Variants in CORO2B observed in about 807,000 individuals in gnomAD.
The protein encoded by CORO2B is coronin 2B.
In CORO2B, 26 loss-of-function variants were observed where a neutral mutation model predicts 58.8. The ratio of observed to expected loss-of-function variants is 0.44; its 90% CI spans 0.32 to 0.61. CORO2B has a LOEUF of 0.61. Ranked by LOEUF, CORO2B falls within the 20% of genes least tolerant of loss-of-function variation. The probability of loss-of-function intolerance (pLI) is 0.04; values close to 1 mark genes in which losing one functional copy is unlikely to be tolerated. For synonymous variants in CORO2B, 242 were observed against 253.8 expected, an observed-to-expected ratio of 0.95 and a Z score of 0.44; for missense variants, 460 against 645.1, an observed-to-expected ratio of 0.71 and a Z score of 3.11.
At position 68,727,528 on chromosome 15, in the gene CORO2B, T is replaced by C. The variant is rs187688210; in HGVS notation, c.*1554T>C. ...TTATACTCCATACCTGCTTTTCCCATGGCCGCCCTACGGAAAATCCCATCC... is the reference window on the plus strand; with the variant it reads ...TTATACTCCATACCTGCTTTTCCCACGGCCGCCCTACGGAAAATCCCATCC... On this transcript the variant is annotated 3_prime_UTR_variant, in exon 12 of 12. Transcript: ENST00000261861. 1.3e-5 allele frequency: 2 copies of C among 152,458 alleles called. No homozygotes were observed. Among genetic ancestry groups the C allele is most frequent in the East Asian group, 3.9e-4 (2 of 5,182 alleles). 9.4% of individuals were successfully genotyped at this position (152,458 alleles called of 1,614,324 possible). A position where few individuals can be genotyped will look rare whatever the true frequency, so the allele number is the denominator to read the frequency against.
Position 68,714,601 on chromosome 15 carries a change from C to T in CORO2B, c.808C>T (p.Leu270Phe). 1.2e-6 allele frequency: 2 copies of T among 1,614,112 alleles called. No individual in the cohort carries two copies. The highest frequency in any genetic ancestry group is 1.7e-6 in the Non-Finnish European group (2 of 1,180,000). The change falls in exon 7 of 12, where the codon CTC becomes TTC. Residue 270 changes from leucine to phenylalanine, a missense_variant. This residue lies in a region of CORO2B where 352 missense variants were observed against 543.0 expected (regional missense o/e 0.65). Coordinates refer to ENST00000261861, the MANE Select transcript of CORO2B (RefSeq NM_006091.5). ...CCTGATCGAAGAGGAAATTGATGGGCTCTCTGGCCTCCTGTTCCCCTTCTA... is the reference window on the plus strand; with the variant it reads ...CCTGATCGAAGAGGAAATTGATGGGTTCTCTGGCCTCCTGTTCCCCTTCTA... ...MPLIEEEIDG[L>F]SGLLFPFYDA...
At chr15:68,699,549 A>T (rs1462756161) in intron 3 of CORO2B, among the ~76,000 whole-genome samples, 4 of 152,114 alleles carry the variant, frequency 2.6e-5, no homozygotes, top group Admixed American at 2.6e-4. Context: ...AGACAAGGAG[A>T]TTAAGTCTGG....
At chr15:68,673,445 A>G (rs1902471020) in intron 2 of CORO2B, among the ~76,000 whole-genome samples, 1 of 152,016 alleles carries the variant, frequency 6.6e-6, no homozygotes, top group African/African-American at 2.4e-5. Context: ...TTGAGACTGG[A>G]CAGTCGAGGC....
At chr15:68,585,891 G>A (rs775426998) in intron 1 of CORO2B, among the ~76,000 whole-genome samples, 9 of 152,196 alleles carry the variant, frequency 5.9e-5, no homozygotes, top group Non-Finnish European at 1.0e-4. Context: ...GCATTCAGCC[G>A]AGGGCAGAAC....
intron 11 of CORO2B, among the ~76,000 whole-genome samples, chr15:68,719,771 C>T (rs1244236389): frequency 6.6e-6 from 1 of 152,226 alleles, no homozygotes; most frequent in Non-Finnish European, 1.5e-5. Flanking sequence ...ACCCCCACGC[C>T]TCAAATTCAC....
intron 2 of CORO2B, among the ~76,000 whole-genome samples, chr15:68,685,281 G>A (rs558387252): frequency 7.2e-5 from 11 of 152,292 alleles, no homozygotes; most frequent in East Asian, 3.9e-4. Flanking sequence ...TGCAATCTCC[G>A]CTCACTTCAA....
chr15:68,679,041 G>T (rs1198667251), intron 2 of CORO2B, among the ~76,000 whole-genome samples: 1 of 152,240 alleles, frequency 6.6e-6, no homozygotes, highest in Non-Finnish European at 1.5e-5. Flanking sequence ...GGCCTTCCCA[G>T]AAATATCACC....
intron 8 of CORO2B, among the ~76,000 whole-genome samples, chr15:68,716,589 G>A (rs1453748398): frequency 6.6e-6 from 1 of 152,236 alleles, no homozygotes; most frequent in African/African-American, 2.4e-5. Context: ...ATGAGTTCTA[G>A]GCAGAGAGTC....
intron 2 of CORO2B, among the ~76,000 whole-genome samples, chr15:68,648,889 C>A (rs1168092181): frequency 6.6e-6 from 1 of 152,176 alleles, no homozygotes; most frequent in Non-Finnish European, 1.5e-5. Context: ...TGTCTACTGA[C>A]CTAGCAATTC....
chr15:68,560,588 C>T, the CORO2B span, among the ~76,000 whole-genome samples: 1 of 152,182 alleles, frequency 6.6e-6, no homozygotes, highest in Non-Finnish European at 1.5e-5. Flanking sequence ...CCTGAGCCAC[C>T]GCGCCCAGCC....
intron 2 of CORO2B, among the ~76,000 whole-genome samples, chr15:68,683,343 C>A (rs569721950): frequency 1.3e-5 from 2 of 152,178 alleles, no homozygotes; most frequent in African/African-American, 4.8e-5. Context: ...CCAGACCCCG[C>A]GTCCCCAGCA....
intron 1 of CORO2B, among the ~76,000 whole-genome samples, chr15:68,628,229 G>A (rs4777076): frequency 0.3 from 46,308 of 152,118 alleles, 8,464 homozygotes; most frequent in African/African-American, 0.52. Context: ...TTCTCACAGT[G>A]GTCACAGAGA....
chr15:68,549,057 TCCTTC>T, the CORO2B span, among the ~76,000 whole-genome samples: 2 of 152,156 alleles, frequency 1.3e-5, no homozygotes, highest in Non-Finnish European at 2.9e-5. Flanking sequence ...CTCCTCTTCT[TCCTTC>T]CTTTCTACAA....
intron 1 of CORO2B, among the ~76,000 whole-genome samples, chr15:68,599,469 G>A (rs73442210): frequency 0.015 from 2,266 of 152,286 alleles, 59 homozygotes; most frequent in African/African-American, 0.051. Flanking sequence ...CTGTGCATGC[G>A]TCATAGCTTC....
Position 68,579,225 on chromosome 15 carries a change from G to GCCGCGC in CORO2B, c.-29_-24dup. On this transcript the variant is annotated 5_prime_UTR_variant, in exon 1 of 12. Transcript: ENST00000261861. ...CGGGCCGCCGCCGCCGCCCCCGCACGCCGCGCCCGCGCCCCCGCTCCGCCG... is the reference window on the plus strand; with the variant it reads ...CGGGCCGCCGCCGCCGCCCCCGCACGCCGCGCCCGCGCCCGCGCCCCCGCTCCGCCG... 4 of 1,090,734 alleles carry GCCGCGC rather than the reference G, an allele frequency of 3.7e-6. No homozygotes were observed. Among genetic ancestry groups the GCCGCGC allele is most frequent in the Non-Finnish European group, 4.4e-6 (4 of 900,378 alleles). 67.6% of individuals were successfully genotyped at this position (1,090,734 alleles called of 1,614,324 possible).
intron 1 of CORO2B, among the ~76,000 whole-genome samples, chr15:68,590,296 T>C (rs1402547784): frequency 6.7e-6 from 1 of 150,208 alleles, no homozygotes; most frequent in Non-Finnish European, 1.5e-5. Flanking sequence ...ACAAACTCAG[T>C]GGGCCTTTGC....
At chr15:68,630,657 G>C (rs1900803319) in intron 1 of CORO2B, among the ~76,000 whole-genome samples, 2 of 152,200 alleles carry the variant, frequency 1.3e-5, no homozygotes, top group Non-Finnish European at 2.9e-5. Context: ...AACCAAGACT[G>C]ACTCAAGCTC....
chr15:68,610,787 G>T (rs1423062606), intron 1 of CORO2B, among the ~76,000 whole-genome samples: 4 of 152,278 alleles, frequency 2.6e-5, no homozygotes. Context: ...AGGGCATCAG[G>T]CCAGTCCAGA....
chr15:68,561,843 C>T, the CORO2B span, among the ~76,000 whole-genome samples: 2 of 152,236 alleles, frequency 1.3e-5, no homozygotes, highest in East Asian at 3.9e-4. Context: ...GCTTGGTGAG[C>T]CTGTGTGCGT....
Sources: allele counts gnomAD v4.1 joint callset (sites outside exome capture counted in the v4.1 genomes callset), GRCh38; gene constraint gnomAD v4.1.1; regional missense constraint gnomAD v4.1.1; transcripts MANE v1.5; gene names NCBI Gene and HGNC (gene_info 2026-07-23, HGNC 2026-07-21).